The following DNAI7 variants were observed in gnomAD, a reference collection of about 807,000 sequenced individuals.
DNAI7 encodes the protein dynein axonemal intermediate chain 7.
In DNAI7, 78 loss-of-function variants were observed where a neutral mutation model predicts 86.6. The observed-to-expected ratio is 0.90, with a 90% CI of 0.75 to 1.09. The LOEUF is 1.09. Among genes scored for constraint, DNAI7 ranks in the 50% least tolerant of loss-of-function variants. DNAI7 has a pLI of 0.00. For synonymous variants in DNAI7, 274 were observed against 273.0 expected (o/e 1.00, Z -0.04); for missense variants, 753 against 810.2 (o/e 0.93, Z 0.86).
chr12:25,137,139 G>A (rs1565691664), intron 9 of DNAI7, among the ~76,000 whole-genome samples: 1 of 152,080 alleles, frequency 6.6e-6, no homozygotes, highest in African/African-American at 2.4e-5. Context: ...CAAGACAAAG[G>A]AAAAAGTCTT....
At chr12:25,182,975 A>AGAGAAGG (rs1176009120) in intron 2 of DNAI7, among the ~76,000 whole-genome samples, 1 of 129,766 alleles carries the variant, frequency 7.7e-6, no homozygotes, top group African/African-American at 2.9e-5. Flanking sequence ...GGAAGGGAGG[A>AGAGAAGG]AGGGAAGGAG....
rs187270488 is a variant in DNAI7, at chr12:25,194,606, G to C, written c.3+470C>G. Among the ~76,000 whole-genome samples, 9 of 152,294 alleles carry C rather than the reference G, an allele frequency of 5.9e-5. No homozygotes were observed. In the East Asian group the frequency reaches 1.5e-3, roughly 26 times the overall value. ...GCCTTATCATATTTAACTAATGCAG[G>C]ATGAGAACCTTGAATCACAAAACAA... On this transcript the variant is annotated intron_variant, in intron 1 of 15. Transcript: ENST00000395987.
intron 13 of DNAI7, among the ~76,000 whole-genome samples, chr12:25,113,951 T>G (rs141465478): frequency 0.4 from 55,269 of 138,536 alleles, 12,743 homozygotes; most frequent in East Asian, 0.73. Flanking sequence ...TTTTTTTTTT[T>G]TTTTTTTTTT....
At chr12:25,150,891 C>T (rs920483076) in intron 6 of DNAI7, among the ~76,000 whole-genome samples, 1 of 152,126 alleles carries the variant, frequency 6.6e-6, no homozygotes, top group African/African-American at 2.4e-5. Flanking sequence ...AATATTTTTA[C>T]TGAATGCTTA....
In DNAI7 at chr12:25,154,457, C is replaced by T. The variant is rs1416684672; in HGVS notation, c.301-1G>A. 6.2e-7 allele frequency: 1 copy of T among 1,602,614 alleles called. No individual in the cohort carries two copies. The highest frequency in any genetic ancestry group is 8.5e-7 in the Non-Finnish European group (1 of 1,177,556). ...CATCACATTGAATGTAGTGCTTCCA[C>T]TGTGGAATAAAAATGTTTAAAGGTT... On this transcript the variant is annotated splice_acceptor_variant, in intron 5 of 15. Transcript: ENST00000395987. LOFTEE classifies it high-confidence loss of function.
chr12:25,163,466 G>A (rs991486214), intron 2 of DNAI7, among the ~76,000 whole-genome samples: 2 of 152,100 alleles, frequency 1.3e-5, no homozygotes, highest in Non-Finnish European at 2.9e-5. Context: ...CTTTGACGGT[G>A]ATTTTCCTTT....
At chr12:25,175,608 A>G (rs1948873732) in intron 2 of DNAI7, among the ~76,000 whole-genome samples, 1 of 151,876 alleles carries the variant, frequency 6.6e-6, no homozygotes, top group Non-Finnish European at 1.5e-5. Context: ...TTGGCTTCCC[A>G]AAGTGCTGGG....
At chr12:25,188,307 G>A (rs185752572) in intron 2 of DNAI7, among the ~76,000 whole-genome samples, 19 of 152,194 alleles carry the variant, frequency 1.2e-4, no homozygotes, top group Admixed American at 7.8e-4. Context: ...ACATATGTGC[G>A]CCCTTTAATG....
At chr12:25,167,946 T>C (rs1261076845) in intron 2 of DNAI7, among the ~76,000 whole-genome samples, 1 of 152,162 alleles carries the variant, frequency 6.6e-6, no homozygotes, top group African/African-American at 2.4e-5. Flanking sequence ...TCGATGTTCC[T>C]TTACTCTTCA....
intron 2 of DNAI7, among the ~76,000 whole-genome samples, chr12:25,168,374 C>T (rs1182886387): frequency 2.0e-5 from 3 of 152,126 alleles, no homozygotes; most frequent in Non-Finnish European, 4.4e-5. Context: ...AGAGTTATTC[C>T]ACTAATTCCC....
In DNAI7 at chr12:25,131,549, G is replaced by C. The variant is rs1251461347; in HGVS notation, c.1003-8263C>G. ...CCACATACTATGCCGGATCACTAAA[G>C]GGGTGGAGGATCAGAACTGCAGAGG... On this transcript the variant is annotated intron_variant, in intron 9 of 15. Coordinates refer to ENST00000395987, the MANE Select transcript of DNAI7 (RefSeq NM_018272.5). 2.6e-5 allele frequency among the ~76,000 whole-genome samples: 4 copies of C among 152,164 alleles called. No homozygotes were observed. The East Asian group carries it at 7.7e-4, about 29-fold the overall frequency.
In DNAI7 at chr12:25,123,228, C is replaced by T. The variant is rs1164384007; in HGVS notation, c.1061G>A (p.Ser354Asn). 2 of 1,600,848 alleles carry T rather than the reference C, an allele frequency of 1.2e-6. No homozygotes were observed. Among genetic ancestry groups the T allele is most frequent in the African/African-American group, 1.3e-5 (1 of 74,562 alleles). ...IKCEREMKVL[S>N]ETVSAAQLLL... Reference sequence around the variant, plus strand: ...TAGAATACCTGCTGAAACAGTTTCACTTAATACTTTCATCTCTCGTTCACA... The same window carrying T: ...TAGAATACCTGCTGAAACAGTTTCATTTAATACTTTCATCTCTCGTTCACA... Residue 354 changes from serine (S) to asparagine (N), a missense_variant, in exon 10 of 16, where the codon AGT becomes AAT. Physicochemically the swap from Ser to Asn is conservative, Grantham distance 46. Coordinates refer to ENST00000395987, the MANE Select transcript of DNAI7 (RefSeq NM_018272.5).
At chr12:25,110,603 G>C (rs1949749572) in intron 14 of DNAI7, among the ~76,000 whole-genome samples, 1 of 152,068 alleles carries the variant, frequency 6.6e-6, no homozygotes, top group Non-Finnish European at 1.5e-5. Flanking sequence ...TGCTCCAGTT[G>C]TTTACCAGGA....
At chr12:25,111,633 T>A in intron 14 of DNAI7, 139 bp downstream of exon 14, 1 of 349,390 alleles carries the variant, frequency 2.9e-6, no homozygotes, top group Non-Finnish European at 4.4e-6. Context: ...GGATTTCTGG[T>A]CTTTTCACTT....
chr12:25,113,488 G>C (rs182777615), intron 13 of DNAI7, among the ~76,000 whole-genome samples: 4 of 152,036 alleles, frequency 2.6e-5, no homozygotes, highest in African/African-American at 9.7e-5. Context: ...TATTAGTAGA[G>C]ATGGGGTTTC....
At chr12:25,181,425 T>C (rs1488509637) in intron 2 of DNAI7, among the ~76,000 whole-genome samples, 1 of 152,016 alleles carries the variant, frequency 6.6e-6, no homozygotes, top group Non-Finnish European at 1.5e-5. Context: ...AGCCAAGACC[T>C]CAAACTATAA....
At chr12:25,112,399 GTTTT>G (rs10602859) in intron 13 of DNAI7, among the ~76,000 whole-genome samples, 1 of 104,298 alleles carries the variant, frequency 9.6e-6, no homozygotes, top group African/African-American at 4.4e-5. Context: ...TTCACATCTG[GTTTT>G]TTTTTTTTTT....
At chr12:25,131,981 A>C (rs1360746638) in intron 9 of DNAI7, among the ~76,000 whole-genome samples, 1 of 152,106 alleles carries the variant, frequency 6.6e-6, no homozygotes, top group Non-Finnish European at 1.5e-5. Flanking sequence ...CATCTGATTT[A>C]ATCTGAGGAG....
chr12:25,122,163 G>A (rs1565649039), intron 10 of DNAI7, among the ~76,000 whole-genome samples: 1 of 152,082 alleles, frequency 6.6e-6, no homozygotes, highest in African/African-American at 2.4e-5. Flanking sequence ...ATAAGCATGT[G>A]TTATTATTAA....
Sources: allele counts gnomAD v4.1 joint callset (sites outside exome capture counted in the v4.1 genomes callset), GRCh38; gene constraint gnomAD v4.1.1; transcripts MANE v1.5; gene names NCBI Gene and HGNC (gene_info 2026-07-23, HGNC 2026-07-21).